SLC35A1: variants seen among roughly 807,000 people sequenced by gnomAD.
The protein encoded by SLC35A1 is CMP-sialic acid transporter.
A neutral mutation model predicts 40.3 loss-of-function variants in SLC35A1; 21 were observed. The observed-to-expected ratio is 0.52, with a 90% CI of 0.37 to 0.75. The LOEUF (loss-of-function observed/expected upper bound fraction) is 0.75, where lower values mean the gene tolerates loss of function less well. Ranked by LOEUF, SLC35A1 falls within the 30% of genes least tolerant of loss-of-function variation. SLC35A1 has a pLI of 0.00. For missense variants in SLC35A1, 297 were observed against 382.1 expected (o/e 0.78, Z 1.86); for synonymous variants, 146 against 147.3 (o/e 0.99, Z 0.06).
chr6:87,482,236 T>TG (rs1554164998), intron 2 of SLC35A1, among the ~76,000 whole-genome samples: 1 of 147,186 alleles, frequency 6.8e-6, no homozygotes, highest in Non-Finnish European at 1.5e-5. Flanking sequence ...ATATAAATTC[T>TG]CCCCCCCCTC....
At chr6:87,507,575 C>A (rs747942146) in intron 5 of SLC35A1, among the ~76,000 whole-genome samples, 43 of 152,068 alleles carry the variant, frequency 2.8e-4, no homozygotes, top group Non-Finnish European at 5.6e-4. Flanking sequence ...ATTTTATGTT[C>A]CCATTCCAAC....
intron 5 of SLC35A1, among the ~76,000 whole-genome samples, chr6:87,507,799 A>G (rs1770133285): frequency 6.6e-6 from 1 of 152,106 alleles, no homozygotes; most frequent in African/African-American, 2.4e-5. Context: ...AAATCTATGG[A>G]CCTTCAACTC....
intron 2 of SLC35A1, among the ~76,000 whole-genome samples, chr6:87,494,918 TAAAGA>T (rs1769672884): frequency 6.6e-6 from 1 of 152,138 alleles, no homozygotes; most frequent in African/African-American, 2.4e-5. Context: ...ATTGTTAGTA[TAAAGA>T]AAAGGAAGTG....
At chr6:87,475,471 C>T (rs1466622805) in intron 1 of SLC35A1, among the ~76,000 whole-genome samples, 1 of 152,218 alleles carries the variant, frequency 6.6e-6, no homozygotes. Flanking sequence ...ATCTCCTTCA[C>T]TTCCTTTTAT....
At chr6:87,493,450 A>G (rs1185051223) in intron 2 of SLC35A1, among the ~76,000 whole-genome samples, 1 of 146,364 alleles carries the variant, frequency 6.8e-6, no homozygotes, top group Non-Finnish European at 1.5e-5. Flanking sequence ...ATAGACACCT[A>G]TCTAAATCTA....
chr6:87,496,800 A>C (rs1454290135), intron 2 of SLC35A1, among the ~76,000 whole-genome samples: 4 of 150,140 alleles, frequency 2.7e-5, no homozygotes, highest in South Asian at 2.1e-4. Flanking sequence ...AAAAAGAAAA[A>C]CCCACCAAAA....
intron 2 of SLC35A1, among the ~76,000 whole-genome samples, chr6:87,492,486 G>A (rs1406415854): frequency 6.6e-6 from 1 of 150,724 alleles, no homozygotes; most frequent in Non-Finnish European, 1.5e-5. Flanking sequence ...GTCCCTTTTA[G>A]TGCAGTATAT....
intron 2 of SLC35A1, among the ~76,000 whole-genome samples, chr6:87,480,845 T>C (rs1346235220): frequency 6.6e-6 from 1 of 152,194 alleles, no homozygotes; most frequent in East Asian, 1.9e-4. Context: ...CTGATGGTAA[T>C]GGTGCTTGCT....
chr6:87,509,651 C>T lies in SLC35A1; in HGVS notation c.886+476C>T, dbSNP rs748394685. On this transcript the variant is annotated intron_variant, in intron 7 of 7. Coordinates refer to ENST00000369552, the MANE Select transcript of SLC35A1 (RefSeq NM_006416.5). ...AACTGCTTTGCATTTGGGTGTGAGACGGTTTTGAAAACAATCAAAATCTAG... is the reference window on the plus strand; with the variant it reads ...AACTGCTTTGCATTTGGGTGTGAGATGGTTTTGAAAACAATCAAAATCTAG... Among the ~76,000 whole-genome samples, 24 of 152,188 alleles carry T rather than the reference C, an allele frequency of 1.6e-4. 1 individual carries two copies. Among genetic ancestry groups the T allele is most frequent in the South Asian group, 1.0e-3 (5 of 4,824 alleles).
chr6:87,477,355 T>C lies in SLC35A1; in HGVS notation c.17-7T>C, dbSNP rs749843187. On this transcript the variant is annotated splice_polypyrimidine_tract_variant and splice_region_variant and intron_variant, in intron 1 of 7. Transcript: ENST00000369552. ...TAAGTAATGTCTTTGTTGCACGTAT[T>C]TTCCAGACAATGTCACTTTATTATT... The C allele has an allele frequency of 1.2e-6, 2 of 1,610,982 alleles. No homozygotes were observed. Among genetic ancestry groups the C allele is most frequent in the African/African-American group, 1.3e-5 (1 of 75,044 alleles).
At position 87,508,286 on chromosome 6, in the gene SLC35A1, GCA is replaced by G. The variant is rs2127977391; in HGVS notation, c.575-131_575-130del. ...GTGTCACACAACCTACATAATAAAT[GCA>G]CATTTAAGTAAAGTATGTTTTGTTC... is the stretch of plus-strand genomic sequence containing the variant. On this transcript the variant is annotated intron_variant, in intron 5 of 7. Transcript: ENST00000369552. 3 of 633,314 alleles carry G rather than the reference GCA, an allele frequency of 4.7e-6. No homozygotes were observed. In the South Asian group the frequency reaches 6.1e-5, roughly 13 times the overall value. 39.2% of individuals were successfully genotyped at this position (633,314 alleles called of 1,614,324 possible).
chr6:87,472,995 CG>C lies in SLC35A1; in HGVS notation c.-5del. ...GGGCGTCAGTTCCGCGGGGGGCTGT[CG>C]GGGAACCATGGCTGCCCCGAGAGGT... is the stretch of plus-strand genomic sequence containing the variant. On this transcript the variant is annotated 5_prime_UTR_variant, in exon 1 of 8. Coordinates refer to ENST00000369552, the MANE Select transcript of SLC35A1 (RefSeq NM_006416.5). The C allele has an allele frequency of 4.4e-6, 3 of 676,568 alleles. No individual in the cohort carries two copies. Among genetic ancestry groups the C allele is most frequent in the Non-Finnish European group, 2.3e-6 (1 of 444,378 alleles). The allele number at this position is 676,568 out of a possible 1,614,324, so 41.9% of individuals were successfully genotyped here. A position where few individuals can be genotyped will look rare whatever the true frequency, so the allele number is the denominator to read the frequency against.
At chr6:87,508,895 A>G in intron 6 of SLC35A1, 146 bp from the exon 7 acceptor site, 1 of 874,216 alleles carries the variant, frequency 1.1e-6, no homozygotes, top group South Asian at 1.5e-5. Flanking sequence ...ATTTTAGTAC[A>G]AACTCTCAGA....
intron 2 of SLC35A1, chr6:87,499,119 A>T (rs1321768559): frequency 1.0e-6 from 1 of 983,814 alleles, no homozygotes; most frequent in East Asian, 1.1e-4. Context: ...TTATTAATTA[A>T]GCATTTTCTT....
chr6:87,489,820 C>T (rs1015651055), intron 2 of SLC35A1, among the ~76,000 whole-genome samples: 4 of 150,508 alleles, frequency 2.7e-5, no homozygotes, highest in African/African-American at 4.9e-5. Flanking sequence ...TGAGCCACCG[C>T]GCCTGGCCAA....
intron 2 of SLC35A1, among the ~76,000 whole-genome samples, chr6:87,492,506 C>T (rs1366436469): frequency 6.7e-6 from 1 of 148,964 alleles, no homozygotes; most frequent in African/African-American, 2.5e-5. Context: ...TAAAGATGTA[C>T]GTGGTATCTA....
At chr6:87,493,055 T>C (rs1204779450) in intron 2 of SLC35A1, among the ~76,000 whole-genome samples, 5 of 152,222 alleles carry the variant, frequency 3.3e-5, no homozygotes, top group African/African-American at 1.2e-4. Context: ...TCATTACCTA[T>C]ACATTTATTG....
rs1770280931 is a variant in SLC35A1, at chr6:87,511,692, T to G, written c.*166T>G. On this transcript the variant is annotated 3_prime_UTR_variant, in exon 8 of 8. Coordinates refer to ENST00000369552, the MANE Select transcript of SLC35A1 (RefSeq NM_006416.5). The stretch of plus-strand genomic sequence containing the variant: ...AACAAACGAAGCTATCTGAGTGAAC[T>G]GCTAATACAGAAACTTAATGTAGAC... The G allele has an allele frequency of 1.4e-6, 1 of 739,276 alleles. No homozygotes were observed. Among genetic ancestry groups the G allele is most frequent in the South Asian group, 1.5e-5 (1 of 65,816 alleles). 45.8% of individuals were successfully genotyped at this position (739,276 alleles called of 1,614,324 possible). A position where few individuals can be genotyped will look rare whatever the true frequency, so the allele number is the denominator to read the frequency against.
At chr6:87,508,017 T>C (rs747269902) in intron 5 of SLC35A1, among the ~76,000 whole-genome samples, 1 of 152,104 alleles carries the variant, frequency 6.6e-6, no homozygotes, top group African/African-American at 2.4e-5. Flanking sequence ...TATTCATTAG[T>C]AGGCAGATAT....
Sources: gnomAD v4.1 joint callset for allele counts (sites outside exome capture counted in the v4.1 genomes callset) on GRCh38, gnomAD v4.1.1 for gene constraint, MANE v1.5 for transcripts, NCBI Gene and HGNC (gene_info 2026-07-23, HGNC 2026-07-21) for gene names.